ARPP21: variants seen among roughly 807,000 people sequenced by gnomAD.
ARPP21 encodes cAMP-regulated phosphoprotein 21.
In ARPP21, 69 loss-of-function variants were observed where a neutral mutation model predicts 113.2. That is an observed-to-expected ratio of 0.61 (90% confidence interval 0.50 to 0.74). The LOEUF is 0.74. Ranked by LOEUF, ARPP21 falls within the 30% of genes least tolerant of loss-of-function variation. The pLI is 0.00. For synonymous variants in ARPP21, 368 were observed against 375.5 expected (o/e 0.98, Z 0.23); for missense variants, 1,070 against 1,037.4 (o/e 1.03, Z -0.43).
chr3:35,757,059 C>A (rs1312914099), intron 19 of ARPP21, among the ~76,000 whole-genome samples: 2 of 145,680 alleles, frequency 1.4e-5, no homozygotes, highest in Non-Finnish European at 3.0e-5. Flanking sequence ...GTTTGAAGTG[C>A]CTTTTAGTGA....
At chr3:35,708,491 A>G (rs2150025157) in intron 10 of ARPP21, among the ~76,000 whole-genome samples, 1 of 152,284 alleles carries the variant, frequency 6.6e-6, no homozygotes. Flanking sequence ...CCTTTCTGTT[A>G]ATTACTTTCT....
chr3:35,774,113 T>C (rs2096283518), intron 19 of ARPP21, among the ~76,000 whole-genome samples: 1 of 152,126 alleles, frequency 6.6e-6, no homozygotes, highest in African/African-American at 2.4e-5. Flanking sequence ...ACTGACTTGA[T>C]AACAGTTTAA....
At chr3:35,702,702 T>C (rs776754731) in intron 9 of ARPP21, among the ~76,000 whole-genome samples, 7 of 151,760 alleles carry the variant, frequency 4.6e-5, no homozygotes, top group Non-Finnish European at 7.4e-5. Context: ...TAAAGAACAT[T>C]GGCTACTTAG....
intron 9 of ARPP21, among the ~76,000 whole-genome samples, chr3:35,704,472 G>A (rs955676179): frequency 1.1e-4 from 16 of 151,760 alleles, no homozygotes; most frequent in African/African-American, 3.6e-4. Context: ...GGAAGGCCAC[G>A]ATTTTCATTC....
chr3:35,729,347 C>T lies in ARPP21; in HGVS notation c.1270C>T (p.Arg424Cys), dbSNP rs773951846. The T allele has an allele frequency of 8.1e-6, 13 of 1,614,016 alleles. No individual in the cohort carries two copies. Among genetic ancestry groups the T allele is most frequent in the East Asian group, 4.5e-5 (2 of 44,874 alleles). The change falls in exon 15 of 21, where the codon CGC becomes TGC. Residue 424 changes from arginine to cysteine, a missense_variant. By Grantham distance (180) the Arg-to-Cys change is radical. Transcript: ENST00000684406. ...TGCAGGCTCCTCAGGATCGCTGTCC[C>T]GCACCCATCCACCTCTCCAGAGCAC... is the stretch of plus-strand genomic sequence containing the variant. ...SSAGSSGSLS[R>C]THPPLQSTPL...
At chr3:35,719,705 A>G (rs1381438967) in intron 13 of ARPP21, among the ~76,000 whole-genome samples, 3 of 152,198 alleles carry the variant, frequency 2.0e-5, no homozygotes, top group Non-Finnish European at 4.4e-5. Flanking sequence ...CCCCATATGG[A>G]GAGCATCCAT....
intron 1 of ARPP21, among the ~76,000 whole-genome samples, chr3:35,644,167 G>T (rs908605378): frequency 6.6e-6 from 1 of 151,892 alleles, no homozygotes; most frequent in Non-Finnish European, 1.5e-5. Context: ...AGATGTATCT[G>T]TAACTAGATT....
At chr3:35,741,638 T>C (rs1041337644) in intron 18 of ARPP21, among the ~76,000 whole-genome samples, 7 of 152,194 alleles carry the variant, frequency 4.6e-5, no homozygotes, top group African/African-American at 1.7e-4. Context: ...GAGAAGTGCA[T>C]ATTTTTTATA....
chr3:35,708,362 G>C (rs1407411368), intron 10 of ARPP21, among the ~76,000 whole-genome samples: 1 of 152,130 alleles, frequency 6.6e-6, no homozygotes, highest in Non-Finnish European at 1.5e-5. Flanking sequence ...CAACAAACAG[G>C]TTTTTAAAAT....
Position 35,793,702 on chromosome 3 carries a change from TGCC to T in ARPP21, c.2289_2291del (p.Pro764del). 1 of 1,612,736 alleles carries T rather than the reference TGCC, an allele frequency of 6.2e-7. No individual in the cohort carries two copies. Among genetic ancestry groups the T allele is most frequent in the Non-Finnish European group, 8.5e-7 (1 of 1,178,812 alleles). On this transcript the variant is annotated inframe_deletion and splice_region_variant, in exon 21 of 21. Transcript: ENST00000684406. ...GTTCTTGCTTGTGTCTTTTTACAGGTGCCAATGACCCAGGGTTCTCAAGGACTG... is the reference window on the plus strand; with the variant it reads ...GTTCTTGCTTGTGTCTTTTTACAGGTAATGACCCAGGGTTCTCAAGGACTG...
chr3:35,707,427 T>A (rs2089564665), intron 10 of ARPP21: 1 of 492,874 alleles, frequency 2.0e-6, no homozygotes, highest in East Asian at 5.8e-5. Context: ...TGTGTAACTA[T>A]GGCAGTCGTT....
At chr3:35,791,626 G>T (rs991261736) in intron 19 of ARPP21, among the ~76,000 whole-genome samples, 6 of 151,868 alleles carry the variant, frequency 4.0e-5, no homozygotes, top group African/African-American at 1.5e-4. Context: ...AATAAAAAAA[G>T]ACAAATGAAG....
chr3:35,739,461 A>G lies in ARPP21; in HGVS notation c.1894A>G (p.Thr632Ala). 6.2e-7 allele frequency: 1 copy of G among 1,614,154 alleles called. No homozygotes were observed. Among genetic ancestry groups the G allele is most frequent in the Non-Finnish European group, 8.5e-7 (1 of 1,180,034 alleles). ...AQQPSYVIAS[T>A]GQQLPTGGFS... ...GCAGCCCAGCTATGTAATCGCCTCTACAGGCCAGCAGCTTCCTACAGGAGG... is the reference window on the plus strand; with the variant it reads ...GCAGCCCAGCTATGTAATCGCCTCTGCAGGCCAGCAGCTTCCTACAGGAGG... The change falls in exon 18 of 21, where the codon ACA becomes GCA. Residue 632 changes from threonine to alanine, a missense_variant. Coordinates refer to ENST00000684406, the MANE Select transcript of ARPP21 (RefSeq NM_001385562.1).
chr3:35,645,728 A>G (rs1699958685), intron 1 of ARPP21, among the ~76,000 whole-genome samples: 1 of 151,962 alleles, frequency 6.6e-6, no homozygotes, highest in African/African-American at 2.4e-5. Context: ...TATACACTAA[A>G]TACTTGAGAT....
At chr3:35,721,016 A>C (rs1418165427) in intron 13 of ARPP21, among the ~76,000 whole-genome samples, 1 of 152,186 alleles carries the variant, frequency 6.6e-6, no homozygotes, top group Non-Finnish European at 1.5e-5. Context: ...CAGTGGGCAA[A>C]ATTCTTACCA....
At chr3:35,768,079 CGTGTGTGTG>C (rs2096052648) in intron 19 of ARPP21, among the ~76,000 whole-genome samples, 1 of 111,730 alleles carries the variant, frequency 9.0e-6, no homozygotes, top group Admixed American at 9.8e-5. Flanking sequence ...CATGCTTTTC[CGTGTGTGTG>C]TGTGTGTGTG....
intron 19 of ARPP21, among the ~76,000 whole-genome samples, chr3:35,751,048 T>C (rs1234117045): frequency 6.6e-6 from 1 of 152,134 alleles, no homozygotes; most frequent in Non-Finnish European, 1.5e-5. Flanking sequence ...GCCTTCCTAA[T>C]AGACCAGGAG....
At chr3:35,740,388 C>A (rs1228252169) in intron 18 of ARPP21, among the ~76,000 whole-genome samples, 2 of 152,218 alleles carry the variant, frequency 1.3e-5, no homozygotes, top group African/African-American at 4.8e-5. Context: ...ATTGGATGAG[C>A]TGTTTAAAGT....
intron 19 of ARPP21, among the ~76,000 whole-genome samples, chr3:35,753,509 T>C (rs2095472241): frequency 6.6e-6 from 1 of 151,968 alleles, no homozygotes; most frequent in Admixed American, 6.6e-5. Flanking sequence ...ACTGTGAAAA[T>C]GTATCCCTAT....
Sources: allele counts gnomAD v4.1 joint callset (sites outside exome capture counted in the v4.1 genomes callset), GRCh38; gene constraint gnomAD v4.1.1; transcripts MANE v1.5; gene names NCBI Gene and HGNC (gene_info 2026-07-23, HGNC 2026-07-21).